FBXL20: variants seen among roughly 807,000 people sequenced by gnomAD.
FBXL20 encodes F-box/LRR-repeat protein 20.
FBXL20 carries 11 observed loss-of-function variants against 64.0 expected under a neutral mutation model. The ratio of observed to expected loss-of-function variants is 0.17; its 90% CI spans 0.11 to 0.28. The LOEUF (loss-of-function observed/expected upper bound fraction) is 0.28, where lower values mean the gene tolerates loss of function less well. Among genes scored for constraint, FBXL20 ranks in the 10% least tolerant of loss-of-function variants. The probability of loss-of-function intolerance (pLI) is 1.00; values close to 1 mark genes in which losing one functional copy is unlikely to be tolerated. For missense variants in FBXL20, 303 were observed against 526.2 expected, an observed-to-expected ratio of 0.58 and a Z score of 4.15; for synonymous variants, 184 against 189.0, an observed-to-expected ratio of 0.97 and a Z score of 0.22.
chr17:39,303,570 G>T lies in FBXL20; in HGVS notation c.159+15C>A. 1 of 1,602,646 alleles carries T rather than the reference G, an allele frequency of 6.2e-7. No individual in the cohort carries two copies. The highest frequency in any genetic ancestry group is 1.1e-5 in the South Asian group (1 of 89,210). On this transcript the variant is annotated intron_variant, in intron 3 of 14. Coordinates refer to ENST00000264658, the MANE Select transcript of FBXL20 (RefSeq NM_032875.3). ...GAAGAAGGGGTCCCCCTGTAACTAT[G>T]CCAACAATACTTACCCTGGAGACCT...
chr17:39,297,892 T>A (rs2144437208), intron 5 of FBXL20, among the ~76,000 whole-genome samples: 1 of 152,040 alleles, frequency 6.6e-6, no homozygotes, highest in East Asian at 2.0e-4. Flanking sequence ...CGCACCACCA[T>A]GCCCAACTAA....
At chr17:39,329,739 T>C (rs904288229) in intron 2 of FBXL20, among the ~76,000 whole-genome samples, 6 of 152,176 alleles carry the variant, frequency 3.9e-5, no homozygotes, top group Non-Finnish European at 1.5e-5. Flanking sequence ...GGCTCACATC[T>C]GTAATCCCAG....
At chr17:39,284,212 TTAAA>T (rs943076839) in intron 7 of FBXL20, among the ~76,000 whole-genome samples, 1 of 152,176 alleles carries the variant, frequency 6.6e-6, no homozygotes, top group African/African-American at 2.4e-5. Context: ...CACAAAGCTT[TTAAA>T]TAAATAAGAT....
At chr17:39,303,679 T>C in intron 2 of FBXL20, 40 bp from the exon 3 acceptor site, 1 of 1,547,276 alleles carries the variant, frequency 6.5e-7, no homozygotes, top group Non-Finnish European at 8.8e-7. Context: ...TATTGTATGA[T>C]AAAGTAGTTG....
At chr17:39,269,485 G>A (rs552351522) in intron 11 of FBXL20, among the ~76,000 whole-genome samples, 6 of 149,336 alleles carry the variant, frequency 4.0e-5, no homozygotes, top group South Asian at 4.2e-4. Context: ...GAGCCATCGC[G>A]CCCGGCCTTT....
chr17:39,299,845 C>T (rs1278728553), intron 4 of FBXL20, among the ~76,000 whole-genome samples: 1 of 151,828 alleles, frequency 6.6e-6, no homozygotes, highest in Non-Finnish European at 1.5e-5. Flanking sequence ...CGCCTATAAT[C>T]CCAGCACTTT....
At chr17:39,354,914 A>C (rs2047721133) in intron 1 of FBXL20, among the ~76,000 whole-genome samples, 1 of 151,662 alleles carries the variant, frequency 6.6e-6, no homozygotes. Flanking sequence ...CACCACATAA[A>C]ATTTCTTGGT....
At chr17:39,326,794 A>G (rs895233851) in intron 2 of FBXL20, among the ~76,000 whole-genome samples, 1 of 150,790 alleles carries the variant, frequency 6.6e-6, no homozygotes, top group Non-Finnish European at 1.5e-5. Context: ...TAACATATAT[A>G]CACACACGCT....
intron 6 of FBXL20, among the ~76,000 whole-genome samples, chr17:39,296,840 T>C (rs2047090618): frequency 1.3e-5 from 2 of 152,318 alleles, no homozygotes; most frequent in East Asian, 3.9e-4. Flanking sequence ...TAGCTACTAG[T>C]ATCTAGAAAT....
intron 1 of FBXL20, among the ~76,000 whole-genome samples, chr17:39,377,392 C>G (rs948366769): frequency 3.3e-5 from 5 of 152,158 alleles, no homozygotes; most frequent in Admixed American, 6.5e-5. Context: ...TCCCCAAATG[C>G]TCGGGGGTGG....
intron 1 of FBXL20, among the ~76,000 whole-genome samples, chr17:39,389,104 C>CAAAAAAAAA (rs752930971): frequency 5.7e-5 from 3 of 52,704 alleles, no homozygotes; most frequent in African/African-American, 6.3e-5. Flanking sequence ...AACTCCATCT[C>CAAAAAAAAA]AAAAAAAAAA....
chr17:39,339,741 G>GGGTTCGA (rs1454403263), intron 2 of FBXL20, among the ~76,000 whole-genome samples: 2 of 151,874 alleles, frequency 1.3e-5, no homozygotes, highest in Admixed American at 6.6e-5. Context: ...TCCACCTGCA[G>GGGTTCGA]GGTTCGATTC....
At chr17:39,269,194 CT>C (rs556636525) in intron 11 of FBXL20, among the ~76,000 whole-genome samples, 2 of 147,938 alleles carry the variant, frequency 1.4e-5, no homozygotes, top group South Asian at 2.2e-4. Flanking sequence ...TATTTCTTTT[CT>C]TTTTTTTTTC....
intron 2 of FBXL20, among the ~76,000 whole-genome samples, chr17:39,314,511 G>A (rs1255206884): frequency 1.3e-5 from 2 of 151,878 alleles, no homozygotes; most frequent in African/African-American, 4.8e-5. Flanking sequence ...ACCACATCCA[G>A]CCTTGTGCCT....
At chr17:39,401,130 C>T (rs2048237900) in intron 1 of FBXL20, among the ~76,000 whole-genome samples, 1 of 152,204 alleles carries the variant, frequency 6.6e-6, no homozygotes, top group African/African-American at 2.4e-5. Context: ...AGCTAATCCC[C>T]CGCGGGGGCC....
intron 1 of FBXL20, among the ~76,000 whole-genome samples, chr17:39,380,140 TCA>T (rs1394857391): frequency 2.6e-5 from 4 of 152,106 alleles, no homozygotes; most frequent in African/African-American, 9.7e-5. Context: ...GGTTACAACA[TCA>T]CAGTCTACAC....
intron 2 of FBXL20, among the ~76,000 whole-genome samples, chr17:39,342,141 G>A (rs2047588739): frequency 6.6e-6 from 1 of 152,056 alleles, no homozygotes; most frequent in African/African-American, 2.4e-5. Context: ...GTAGGCCATG[G>A]TATGGAATTT....
chr17:39,382,665 C>T (rs2048036501), intron 1 of FBXL20, among the ~76,000 whole-genome samples: 1 of 151,962 alleles, frequency 6.6e-6, no homozygotes, highest in East Asian at 1.9e-4. Flanking sequence ...GAGCCCACTG[C>T]TACAATTTTT....
At chr17:39,344,949 GAT>G (rs1360924128) in intron 1 of FBXL20, among the ~76,000 whole-genome samples, 1 of 152,014 alleles carries the variant, frequency 6.6e-6, no homozygotes, top group African/African-American at 2.4e-5. Flanking sequence ...ACTCACAACG[GAT>G]ACTTTTAACG....
Sources: gnomAD v4.1 joint callset for allele counts (sites outside exome capture counted in the v4.1 genomes callset) on GRCh38, gnomAD v4.1.1 for gene constraint, MANE v1.5 for transcripts, NCBI Gene and HGNC (gene_info 2026-07-23, HGNC 2026-07-21) for gene names.